ANKMY1: variants seen among roughly 807,000 people sequenced by gnomAD.
ANKMY1 encodes the protein ankyrin repeat and MYND domain-containing protein 1.
In ANKMY1, 98 loss-of-function variants were observed where a neutral mutation model predicts 102.0. The observed-to-expected ratio is 0.96, with a 90% CI of 0.82 to 1.14. The LOEUF (loss-of-function observed/expected upper bound fraction) is 1.14. ANKMY1 is among the 50% of genes most tolerant of loss of function. The pLI is 0.00. For synonymous variants in ANKMY1, 582 were observed against 559.9 expected (o/e 1.04, Z -0.56); for missense variants, 1,330 against 1,347.6 (o/e 0.99, Z 0.20).
At position 240,542,239 on chromosome 2, in the gene ANKMY1, G is replaced by A. The variant is rs150241342; in HGVS notation, c.480+10675C>T. Reference sequence around the variant, plus strand: ...AAAAAAAAAAAGGGCCAGGCATAGTGGCTCATGCCTGTAATCTCAGCACTT... The same window carrying A: ...AAAAAAAAAAAGGGCCAGGCATAGTAGCTCATGCCTGTAATCTCAGCACTT... On this transcript the variant is annotated intron_variant, in intron 4 of 17. Transcript: ENST00000401804. Among the ~76,000 whole-genome samples, 617 of 151,434 alleles carry A rather than the reference G, an allele frequency of 4.1e-3. 2 individuals carry two copies. Among genetic ancestry groups the A allele is most frequent in the African/African-American group, 0.014 (586 of 41,274 alleles).
intron 1 of ANKMY1, 37 bp from the exon 2 acceptor site, chr2:240,557,389 G>C: frequency 7.1e-7 from 1 of 1,416,784 alleles, no homozygotes. Context: ...GTGCCCCCAG[G>C]GCTCCCGCCG....
At chr2:240,554,404 C>T (rs2092026191) in intron 3 of ANKMY1, 1 of 158,386 alleles carries the variant, frequency 6.3e-6, no homozygotes, top group African/African-American at 2.4e-5. Context: ...GCTACCTTAC[C>T]CCTGGACTTT....
At position 240,557,909 on chromosome 2, in the gene ANKMY1, ACAG is replaced by A; in HGVS notation, c.-49_-47del. On this transcript the variant is annotated 5_prime_UTR_variant, in exon 1 of 18. Transcript: ENST00000401804. The stretch of plus-strand genomic sequence containing the variant: ...GCAAGACTCGAAGAGCTCGCGCCGG[ACAG>A]CAGGGAGACCGACGGGACTGCAGCC... The A allele has an allele frequency of 1.0e-6, 1 of 985,542 alleles. No homozygotes were observed. The highest frequency in any genetic ancestry group is 1.7e-5 in the African/African-American group (1 of 57,352). The allele number at this position is 985,542 out of a possible 1,614,324, so 61.0% of individuals were successfully genotyped here. A position where few individuals can be genotyped will look rare whatever the true frequency, so the allele number is the denominator to read the frequency against.
Position 240,526,464 on chromosome 2 carries a change from T to A in ANKMY1, c.954-19A>T. ...CTTGTTCCTGGCAACACAACAAGTT[T>A]CAGTGGTCCTAGACCAGGTTCTGCA... On this transcript the variant is annotated intron_variant, in intron 5 of 17. Transcript: ENST00000401804. 6.2e-7 allele frequency: 1 copy of A among 1,613,842 alleles called. No individual in the cohort carries two copies. The highest frequency in any genetic ancestry group is 8.5e-7 in the Non-Finnish European group (1 of 1,179,990).
upstream of ANKMY1, chr2:240,560,895 T>C (rs940800288): frequency 3.9e-6 from 6 of 1,520,848 alleles, no homozygotes; most frequent in Non-Finnish European, 5.2e-6. Flanking sequence ...CGTGCCCGTG[T>C]TCGACGACCC....
At chr2:240,489,370 T>C (rs546301752) in intron 15 of ANKMY1, among the ~76,000 whole-genome samples, 1 of 152,166 alleles carries the variant, frequency 6.6e-6, no homozygotes, top group East Asian at 1.9e-4. Flanking sequence ...GCAGGGAGAA[T>C]TGCTTGAACC....
Position 240,520,524 on chromosome 2 carries a change from C to A in ANKMY1, c.1842G>T (p.Lys614Asn), listed in dbSNP as rs770141076. Residue 614 changes from lysine (K) to asparagine (N), a missense_variant, in exon 9 of 18, where the codon AAG becomes AAT. Lys to Asn is a moderately conservative substitution (Grantham distance 94). Transcript: ENST00000401804. This position sits in a 1 kb window ranked among gnomAD's most constrained non-coding sequence, Gnocchi z 4.8. ...RMALSMIERR[K>N]RWRTIKLLLR... ...GCAGCAGCTTGATGGTCCGCCAGCG[C>A]TTCCTCCGCCTGAAAAAGACGGTGC... 3 of 1,611,460 alleles carry A rather than the reference C, an allele frequency of 1.9e-6. No homozygotes were observed. The highest frequency in any genetic ancestry group is 1.1e-5 in the South Asian group (1 of 90,864).
At chr2:240,469,246 C>T in the ANKMY1 span, among the ~76,000 whole-genome samples, 3 of 152,322 alleles carry the variant, frequency 2.0e-5, no homozygotes, top group East Asian at 1.9e-4. Flanking sequence ...GACACAGGTG[C>T]GTGTGCACTC....
Position 240,481,107 on chromosome 2 carries a change from A to T in ANKMY1, c.2886-10T>A, listed in dbSNP as rs1282527358. On this transcript the variant is annotated splice_polypyrimidine_tract_variant and intron_variant, in intron 16 of 17. Transcript: ENST00000401804. ...CTTGAAGAAGGGAATTCTGCAACAG[A>T]GCCTCACCGTCAGCAGGCGGCCACT... 5.0e-6 allele frequency: 8 copies of T among 1,601,722 alleles called. No homozygotes were observed. The highest frequency in any genetic ancestry group is 6.8e-6 in the Non-Finnish European group (8 of 1,170,024).
At chr2:240,480,860 T>C in intron 17 of ANKMY1, 77 bp downstream of exon 17, 1 of 1,513,024 alleles carries the variant, frequency 6.6e-7, no homozygotes, top group Non-Finnish European at 8.9e-7. Flanking sequence ...AGGGTGCCCC[T>C]CACCAGCACC....
chr2:240,551,404 A>G (rs1471994546), intron 4 of ANKMY1, among the ~76,000 whole-genome samples: 1 of 152,182 alleles, frequency 6.6e-6, no homozygotes, highest in Non-Finnish European at 1.5e-5. Context: ...GTTTTATTTT[A>G]TAATGGGACA....
chr2:240,481,128 C>A, intron 16 of ANKMY1, 31 bp from the exon 17 acceptor site: 1 of 1,595,666 alleles, frequency 6.3e-7, no homozygotes, highest in Admixed American at 1.7e-5. Context: ...CAGCAGGCGG[C>A]CACTCCAGAA....
At chr2:240,505,627 T>C (rs72998004) in intron 13 of ANKMY1, among the ~76,000 whole-genome samples, 22,628 of 151,196 alleles carry the variant, frequency 0.15, 2,168 homozygotes, top group African/African-American at 0.25. Flanking sequence ...AGGGCCAGAG[T>C]TGGGGGCATG....
chr2:240,538,918 C>A (rs920400846), intron 4 of ANKMY1, among the ~76,000 whole-genome samples: 1 of 152,092 alleles, frequency 6.6e-6, no homozygotes, highest in Non-Finnish European at 1.5e-5. Flanking sequence ...ACTTGGAGAA[C>A]TTTTATGTCT....
intron 11 of ANKMY1, among the ~76,000 whole-genome samples, chr2:240,510,779 CT>C (rs11298181): frequency 0.15 from 22,500 of 152,158 alleles, 2,135 homozygotes; most frequent in African/African-American, 0.25. Flanking sequence ...GAAGTTCCAC[CT>C]GCCAGTCTGT....
Position 240,500,118 on chromosome 2 carries a change from C to T in ANKMY1, c.2646G>A (p.Arg882=). The change falls in exon 15 of 18, where the codon CGG becomes CGA. Residue 882 remains arginine, a synonymous_variant. Coordinates refer to ENST00000401804, the MANE Select transcript of ANKMY1 (RefSeq NM_001282771.3). The part of the protein sequence containing the change: ...DYGYFRFFQD[R]RIARCPFHTL... Reference sequence around the variant, plus strand: ...TGTGGAAGGGGCAGCGGGCAATCCTCCGGTCCTGCGGCACAGCACCAGGGT... The same window carrying T: ...TGTGGAAGGGGCAGCGGGCAATCCTTCGGTCCTGCGGCACAGCACCAGGGT... The T allele has an allele frequency of 6.2e-7, 1 of 1,600,384 alleles. No individual in the cohort carries two copies. Among genetic ancestry groups the T allele is most frequent in the African/African-American group, 1.3e-5 (1 of 74,738 alleles).
At chr2:240,560,812 CG>C (rs2092919717), upstream of ANKMY1, 1 of 1,437,832 alleles carries the variant, frequency 7.0e-7, no homozygotes, top group Non-Finnish European at 9.1e-7. Context: ...CTGGCGCGCG[CG>C]GGAGTCACGC....
At chr2:240,546,909 A>G (rs1188955240) in intron 4 of ANKMY1, among the ~76,000 whole-genome samples, 1 of 152,186 alleles carries the variant, frequency 6.6e-6, no homozygotes, top group African/African-American at 2.4e-5. Context: ...CACATTAATA[A>G]TGGGAGACTT....
rs1319416041 is a variant in ANKMY1 at position 240,506,212 on chromosome 2, C to A, written c.2526+1348G>T. ...TGTATGTTCAAGGCACATTCAGCGT[C>A]CACACACAACAACGCTGCCCCCTGA... On this transcript the variant is annotated intron_variant, in intron 13 of 17. Transcript: ENST00000401804. The surrounding 1 kb of genome is among the most constrained non-coding windows in gnomAD (Gnocchi z 4.9). 6.6e-6 allele frequency among the ~76,000 whole-genome samples: 1 copy of A among 152,228 alleles called. No homozygotes were observed. The highest frequency in any genetic ancestry group is 2.1e-4 in the South Asian group (1 of 4,836).
Sources: gnomAD v4.1 joint callset for allele counts (sites outside exome capture counted in the v4.1 genomes callset) on GRCh38, gnomAD v4.1.1 for gene constraint, Gnocchi (gnomAD v3.1) non-coding constraint, MANE v1.5 for transcripts, NCBI Gene and HGNC (gene_info 2026-07-23, HGNC 2026-07-21) for gene names.